Variants in RYR3 observed in about 807,000 individuals in gnomAD.
RYR3 encodes brain ryanodine receptor-calcium release channel.
In RYR3, 207 loss-of-function variants were observed where a neutral mutation model predicts 584.3. The ratio of observed to expected loss-of-function variants is 0.35; its 90% CI spans 0.32 to 0.40. The LOEUF is 0.40. RYR3 is among the 10% of genes least tolerant of loss of function. The pLI, the probability that RYR3 is intolerant of heterozygous loss-of-function variation, is 1.00. For missense variants in RYR3, 5,616 were observed against 6,089.2 expected (o/e 0.92, Z 2.59); for synonymous variants, 2,416 against 2,248.5 (o/e 1.07, Z -2.11).
rs180697370 is a variant in RYR3 at position 33,339,783 on chromosome 15, G to C, written c.51+28687G>C. Among the ~76,000 whole-genome samples the C allele has an allele frequency of 2.4e-3, 358 of 152,050 alleles. 2 individuals are homozygous for C. The highest frequency in any genetic ancestry group is 8.2e-3 in the African/African-American group (341 of 41,488). On this transcript the variant is annotated intron_variant, in intron 1 of 103. Coordinates refer to ENST00000634891, the MANE Select transcript of RYR3 (RefSeq NM_001036.6). ...GGGCGCCTGTAGTCCCAGCTACTCG[G>C]GAGGCTGAGGCAGGAGAATGGCGTG...
In RYR3 at chr15:33,647,447, C is replaced by G. The variant is rs2062165492; in HGVS notation, c.3965C>G (p.Ser1322Cys). ...AGGAAACAGATGCAAGAAATACTCT[C>G]TCATACAACAACAGTAAGTAAATGT... ...QKRKQMQEIL[S>C]HTTTQCYYAI... The change falls in exon 30 of 104, where the codon TCT becomes TGT. Residue 1322 changes from serine to cysteine, a missense_variant. Physicochemically the swap from Ser to Cys is moderately radical, Grantham distance 112. Around this residue, in one of 9 missense-constraint regions of RYR3, gnomAD observed 753 missense variants for 741.0 expected, o/e 1.02. Transcript: ENST00000634891. 1 of 1,606,402 alleles carries G rather than the reference C, an allele frequency of 6.2e-7. No homozygotes were observed. Among genetic ancestry groups the G allele is most frequent in the Non-Finnish European group, 8.5e-7 (1 of 1,173,156 alleles).
intron 2 of RYR3, among the ~76,000 whole-genome samples, chr15:33,478,986 A>G (rs1047201772): frequency 1.3e-5 from 2 of 152,182 alleles, no homozygotes; most frequent in African/African-American, 2.4e-5. Flanking sequence ...GTGAAGTCCC[A>G]CTTCTTTTTT....
chr15:33,605,415 C>G (rs993946644), intron 18 of RYR3, among the ~76,000 whole-genome samples: 4 of 152,158 alleles, frequency 2.6e-5, no homozygotes, highest in Non-Finnish European at 5.9e-5. Context: ...AGGCTCATGC[C>G]GAACATCACT....
intron 27 of RYR3, among the ~76,000 whole-genome samples, chr15:33,642,379 C>G (rs2061879119): frequency 1.3e-5 from 2 of 152,232 alleles, no homozygotes; most frequent in Non-Finnish European, 2.9e-5. Flanking sequence ...TTCATGGCTC[C>G]AAGATAAACC....
intron 25 of RYR3, among the ~76,000 whole-genome samples, chr15:33,635,389 G>A (rs978500035): frequency 1.3e-5 from 2 of 152,208 alleles, no homozygotes; most frequent in African/African-American, 4.8e-5. Context: ...CTGAGAAGTG[G>A]TCTCTAAAGG....
At chr15:33,756,455 A>C (rs1414119824) in intron 59 of RYR3, 82 bp downstream of exon 59, 2 of 1,000,676 alleles carry the variant, frequency 2.0e-6, no homozygotes, top group East Asian at 5.2e-5. Context: ...GATCCAGTGA[A>C]GATATCTAAA....
In RYR3 at chr15:33,662,592, T is replaced by G; in HGVS notation, c.5062T>G (p.Leu1688Val). 1.9e-6 allele frequency: 3 copies of G among 1,613,950 alleles called. No homozygotes were observed. The highest frequency in any genetic ancestry group is 1.7e-6 in the Non-Finnish European group (2 of 1,179,876). ...DHQKQSPEIP[L>V]ESLRTKALSM... Reference sequence around the variant, plus strand: ...CCAAAAGCAGAGCCCCGAGATTCCCTTGGAGAGTCTCAGGACGAAGGCTCT... The same window carrying G: ...CCAAAAGCAGAGCCCCGAGATTCCCGTGGAGAGTCTCAGGACGAAGGCTCT... The change falls in exon 35 of 104, where the codon TTG becomes GTG. Residue 1688 changes from leucine (L) to valine (V), a missense_variant. Leu to Val is a conservative substitution (Grantham distance 32). Around this residue, in one of 9 missense-constraint regions of RYR3, gnomAD observed 753 missense variants for 741.0 expected, o/e 1.02. Coordinates refer to ENST00000634891, the MANE Select transcript of RYR3 (RefSeq NM_001036.6).
At chr15:33,531,728 G>A (rs1353613602) in intron 4 of RYR3, among the ~76,000 whole-genome samples, 3 of 151,700 alleles carry the variant, frequency 2.0e-5, no homozygotes, top group South Asian at 2.1e-4. Flanking sequence ...GGCAAAAGAC[G>A]AAAAACAAAA....
chr15:33,317,173 C>T (rs1968298601), intron 1 of RYR3, among the ~76,000 whole-genome samples: 1 of 152,114 alleles, frequency 6.6e-6, no homozygotes, highest in Non-Finnish European at 1.5e-5. Flanking sequence ...GCTATCCTTC[C>T]TATTCCCCTT....
Position 33,575,576 on chromosome 15 carries a change from G to A in RYR3, c.1269-4400G>A, listed in dbSNP as rs113028580. ...GTTCTTTGAAACCAGTAAGAACAAA[G>A]AGACAATGTACCAGAATCTCTGGGA... On this transcript the variant is annotated intron_variant, in intron 12 of 103. Coordinates refer to ENST00000634891, the MANE Select transcript of RYR3 (RefSeq NM_001036.6). Among the ~76,000 whole-genome samples, 592 of 152,218 alleles carry A rather than the reference G, an allele frequency of 3.9e-3. 4 individuals carry two copies. Among genetic ancestry groups the A allele is most frequent in the African/African-American group, 0.014 (562 of 41,518 alleles).
chr15:33,424,989 C>T (rs1331979429), intron 1 of RYR3, among the ~76,000 whole-genome samples: 1 of 152,160 alleles, frequency 6.6e-6, no homozygotes, highest in Non-Finnish European at 1.5e-5. Context: ...CAGCAATCAG[C>T]CCCATTCCCT....
chr15:33,625,026 C>T (rs1347341330), intron 20 of RYR3, among the ~76,000 whole-genome samples: 2 of 152,174 alleles, frequency 1.3e-5, no homozygotes, highest in Admixed American at 1.3e-4. Context: ...CTATAAAGAA[C>T]TACCTGAGAC....
intron 1 of RYR3, among the ~76,000 whole-genome samples, chr15:33,363,266 CTT>C (rs992960566): frequency 6.6e-6 from 1 of 152,184 alleles, no homozygotes; most frequent in African/African-American, 2.4e-5. Flanking sequence ...AAATTTCCCT[CTT>C]AGCCTCTCCC....
At chr15:33,366,371 G>A (rs544915612) in intron 1 of RYR3, among the ~76,000 whole-genome samples, 1 of 152,136 alleles carries the variant, frequency 6.6e-6, no homozygotes, top group African/African-American at 2.4e-5. Context: ...GCTGCAGATG[G>A]CATAAAGCTT....
At chr15:33,646,843 G>A (rs994945091) in intron 29 of RYR3, among the ~76,000 whole-genome samples, 2 of 152,198 alleles carry the variant, frequency 1.3e-5, no homozygotes, top group African/African-American at 4.8e-5. Context: ...GCATAAGAGG[G>A]TGCAATTATT....
At chr15:33,845,933 G>A (rs1029229478) in intron 93 of RYR3, among the ~76,000 whole-genome samples, 3 of 152,208 alleles carry the variant, frequency 2.0e-5, no homozygotes, top group Non-Finnish European at 1.5e-5. Flanking sequence ...CATTTGGGCA[G>A]TTCCTCTGTT....
chr15:33,636,520 C>A lies in RYR3; in HGVS notation c.3526C>A (p.Leu1176Ile). The A allele has an allele frequency of 1.2e-6, 2 of 1,605,090 alleles. No individual in the cohort carries two copies. The highest frequency in any genetic ancestry group is 1.7e-6 in the Non-Finnish European group (2 of 1,176,298). ...ELLITNKGSE[L>I]AFADYEIENG... is the part of the protein sequence containing the mutation. ...GCTGATCACCAACAAAGGCTCTGAA[C>A]TTGCCTTCGCTGACTACGAGATTGA... The change falls in exon 27 of 104, where the codon CTT becomes ATT. Residue 1176 changes from leucine (L) to isoleucine (I), a missense_variant. Physicochemically the swap from Leu to Ile is conservative, Grantham distance 5 (BLOSUM62 2). This residue lies in a region of RYR3 where 152 missense variants were observed against 200.9 expected (regional missense o/e 0.76). Transcript: ENST00000634891.
chr15:33,655,434 A>G (rs1009243192), intron 32 of RYR3, among the ~76,000 whole-genome samples: 1 of 152,146 alleles, frequency 6.6e-6, no homozygotes, highest in Non-Finnish European at 1.5e-5. Flanking sequence ...AAAATAATTA[A>G]TTTTTTAAAA....
intron 74 of RYR3, among the ~76,000 whole-genome samples, chr15:33,814,622 G>A (rs887858835): frequency 5.3e-5 from 8 of 152,076 alleles, no homozygotes; most frequent in Non-Finnish European, 8.8e-5. Flanking sequence ...GTCTCCGCCG[G>A]GCGCAGTGGC....
Sources: gnomAD v4.1 joint callset for allele counts (sites outside exome capture counted in the v4.1 genomes callset) on GRCh38, gnomAD v4.1.1 for gene constraint, gnomAD v4.1.1 regional missense constraint, MANE v1.5 for transcripts, NCBI Gene and HGNC (gene_info 2026-07-23, HGNC 2026-07-21) for gene names.